Variants in MLLT3 observed in about 807,000 individuals in gnomAD.
MLLT3 encodes the protein protein AF-9.
MLLT3 carries 4 observed loss-of-function variants against 53.2 expected under a neutral mutation model. That is an observed-to-expected ratio of 0.08 (90% CI 0.04 to 0.17). The LOEUF (loss-of-function observed/expected upper bound fraction) is 0.17. MLLT3 is among the 10% of genes least tolerant of loss of function. MLLT3 has a pLI of 1.00. For synonymous variants in MLLT3, 283 were observed against 230.6 expected (o/e 1.23, Z -2.06); for missense variants, 569 against 684.0 (o/e 0.83, Z 1.87).
chr9:20,529,339 G>C (rs896373394), intron 2 of MLLT3, among the ~76,000 whole-genome samples: 1 of 152,070 alleles, frequency 6.6e-6, no homozygotes, highest in Non-Finnish European at 1.5e-5. Flanking sequence ...ACCTCTTCTC[G>C]TTAGGGAGAA....
At chr9:20,575,460 T>C (rs1819629930) in intron 2 of MLLT3, among the ~76,000 whole-genome samples, 1 of 152,166 alleles carries the variant, frequency 6.6e-6, no homozygotes, top group Non-Finnish European at 1.5e-5. Context: ...TTGTGCAAAA[T>C]TTTTATTTCC....
intron 4 of MLLT3, among the ~76,000 whole-genome samples, chr9:20,422,278 C>T (rs547785895): frequency 1.3e-5 from 2 of 152,258 alleles, no homozygotes; most frequent in Middle Eastern, 3.4e-3. Context: ...TTACTTGTTT[C>T]GACTTTTGAA....
rs568668607 is a variant in MLLT3, at chr9:20,355,337, T to C, written c.1432-458A>G. 1.6e-4 allele frequency among the ~76,000 whole-genome samples: 24 copies of C among 152,314 alleles called. No homozygotes were observed. The East Asian group carries it at 4.6e-3, about 29-fold the overall frequency. ...ATACTCAAATGCCCTTTTTAGTACCTAACTTTCACATTCTAAAATTACTCA... is the reference window on the plus strand; with the variant it reads ...ATACTCAAATGCCCTTTTTAGTACCCAACTTTCACATTCTAAAATTACTCA... On this transcript the variant is annotated intron_variant, in intron 8 of 10. Coordinates refer to ENST00000380338, the MANE Select transcript of MLLT3 (RefSeq NM_004529.4).
chr9:20,450,580 C>T (rs952815399), intron 3 of MLLT3, among the ~76,000 whole-genome samples: 6 of 152,184 alleles, frequency 3.9e-5, no homozygotes, highest in African/African-American at 1.4e-4. Flanking sequence ...TGGCCTTTCA[C>T]AAGTAGTGCT....
chr9:20,589,306 C>T (rs1485618899), intron 2 of MLLT3, among the ~76,000 whole-genome samples: 9 of 151,600 alleles, frequency 5.9e-5, no homozygotes, highest in African/African-American at 1.7e-4. Context: ...AAATTGGAAA[C>T]CATCATTCTC....
Position 20,460,475 on chromosome 9 carries a change from T to C in MLLT3, c.194-3689A>G, listed in dbSNP as rs147015515. 1.7e-3 allele frequency among the ~76,000 whole-genome samples: 263 copies of C among 152,342 alleles called. 1 individual carries two copies. Among genetic ancestry groups the C allele is most frequent in the African/African-American group, 5.4e-3 (226 of 41,580 alleles). On this transcript the variant is annotated intron_variant, in intron 2 of 10. Coordinates refer to ENST00000380338, the MANE Select transcript of MLLT3 (RefSeq NM_004529.4). Reference sequence around the variant, plus strand: ...GCAAAATCATTAAAAGCTTTTTTCATCTGTAAATATCCAGCCCAGATGTTA... The same window carrying C: ...GCAAAATCATTAAAAGCTTTTTTCACCTGTAAATATCCAGCCCAGATGTTA...
intron 2 of MLLT3, among the ~76,000 whole-genome samples, chr9:20,482,363 T>C (rs1238017387): frequency 6.6e-6 from 1 of 152,218 alleles, no homozygotes; most frequent in East Asian, 1.9e-4. Flanking sequence ...GTTCCCACCT[T>C]ACAAGGAAAG....
At chr9:20,542,748 A>G (rs1587049275) in intron 2 of MLLT3, among the ~76,000 whole-genome samples, 1 of 152,180 alleles carries the variant, frequency 6.6e-6, no homozygotes, top group African/African-American at 2.4e-5. Context: ...CCTTAACAAG[A>G]AAGCCATCCT....
At chr9:20,405,969 G>C (rs1234990465) in intron 5 of MLLT3, among the ~76,000 whole-genome samples, 1 of 151,932 alleles carries the variant, frequency 6.6e-6, no homozygotes, top group African/African-American at 2.4e-5. Flanking sequence ...AAAATTAGCA[G>C]GGCATGGTGG....
intron 2 of MLLT3, among the ~76,000 whole-genome samples, chr9:20,483,249 T>TAC (rs1824713280): frequency 8.3e-6 from 1 of 120,952 alleles, no homozygotes; most frequent in Non-Finnish European, 1.8e-5. Context: ...TTATTTTTTT[T>TAC]TTTGAGACAG....
chr9:20,488,288 A>T (rs1211168274), intron 2 of MLLT3, among the ~76,000 whole-genome samples: 1 of 152,072 alleles, frequency 6.6e-6, no homozygotes, highest in Non-Finnish European at 1.5e-5. Flanking sequence ...GATAGTGATA[A>T]TGACTGTGCA....
In MLLT3 at chr9:20,346,395, C is replaced by CA. The variant is rs375169457; in HGVS notation, c.*47dup. On this transcript the variant is annotated 3_prime_UTR_variant, in exon 11 of 11. Transcript: ENST00000380338. ...AATCACAACCAAAAAAAAAAAAAAC[C>CA]AAAAAAAAAAAACACAATAGTTCTT... The CA allele has an allele frequency of 0.11, 85,034 of 797,946 alleles. 3 individuals are homozygous for CA. The highest frequency in any genetic ancestry group is 0.12 in the Non-Finnish European group (69,500 of 595,684). 49.4% of individuals were successfully genotyped at this position (797,946 alleles called of 1,614,324 possible). A position where few individuals can be genotyped will look rare whatever the true frequency, so the allele number is the denominator to read the frequency against.
At chr9:20,597,761 A>C (rs1487707805) in intron 2 of MLLT3, among the ~76,000 whole-genome samples, 2 of 152,258 alleles carry the variant, frequency 1.3e-5, no homozygotes, top group East Asian at 1.9e-4. Flanking sequence ...AAACAAAAAG[A>C]AATGGAAAAT....
rs569081095 is a variant in MLLT3, at chr9:20,560,805, CAT to C, written c.193+59847_193+59848del. On this transcript the variant is annotated intron_variant, in intron 2 of 10. Transcript: ENST00000380338. ...TCTTTCATTGATACATAATATTTTA[CAT>C]ATTTATGGGGTACATGTGAGTATTT... is the stretch of plus-strand genomic sequence containing the variant. Among the ~76,000 whole-genome samples the C allele has an allele frequency of 4.0e-3, 612 of 151,830 alleles. 3 individuals are homozygous for C. The highest frequency in any genetic ancestry group is 0.014 in the African/African-American group (577 of 41,406).
intron 2 of MLLT3, among the ~76,000 whole-genome samples, chr9:20,565,960 ATATATATT>A (rs2131157710): frequency 4.6e-5 from 1 of 21,860 alleles, no homozygotes; most frequent in South Asian, 1.9e-3. Context: ...ATATTTATAT[ATATATATT>A]TATATATATA....
chr9:20,347,955 A>G (rs1266939677), intron 10 of MLLT3, among the ~76,000 whole-genome samples: 1 of 152,222 alleles, frequency 6.6e-6, no homozygotes, highest in African/African-American at 2.4e-5. Flanking sequence ...AAAATACAGT[A>G]AATTTGTGAA....
At chr9:20,568,400 T>A (rs976916307) in intron 2 of MLLT3, among the ~76,000 whole-genome samples, 3 of 152,158 alleles carry the variant, frequency 2.0e-5, no homozygotes, top group African/African-American at 7.2e-5. Context: ...TAATACCTCT[T>A]AATGGAGGGA....
intron 5 of MLLT3, among the ~76,000 whole-genome samples, chr9:20,409,407 T>C (rs1822667419): frequency 6.6e-6 from 1 of 152,186 alleles, no homozygotes; most frequent in South Asian, 2.1e-4. Context: ...GTGAAAGATA[T>C]TTGGTTTTTT....
At chr9:20,401,654 C>A (rs1822460109) in intron 5 of MLLT3, among the ~76,000 whole-genome samples, 1 of 152,156 alleles carries the variant, frequency 6.6e-6, no homozygotes, top group African/African-American at 2.4e-5. Context: ...CAAAATGGTA[C>A]CTACCAGTGA....
Sources: gnomAD v4.1 joint callset for allele counts (sites outside exome capture counted in the v4.1 genomes callset) on GRCh38, gnomAD v4.1.1 for gene constraint, MANE v1.5 for transcripts, NCBI Gene and HGNC (gene_info 2026-07-23, HGNC 2026-07-21) for gene names.